The following CLDN10 variants were observed in gnomAD, a reference collection of about 807,000 sequenced individuals.
CLDN10 encodes the protein claudin 10.
A neutral mutation model predicts 22.9 loss-of-function variants in CLDN10; 15 were observed. The observed-to-expected ratio is 0.65, with a 90% CI of 0.44 to 1.01. The LOEUF (loss-of-function observed/expected upper bound fraction) is 1.01, where lower values mean the gene tolerates loss of function less well. CLDN10 is among the 50% of genes least tolerant of loss of function. The probability of loss-of-function intolerance (pLI) is 0.00; values close to 1 mark genes in which losing one functional copy is unlikely to be tolerated. For synonymous variants in CLDN10, 114 were observed against 111.4 expected, an observed-to-expected ratio of 1.02 and a Z score of -0.15; for missense variants, 247 against 287.8, an observed-to-expected ratio of 0.86 and a Z score of 1.03.
At chr13:95,525,461 TGTAA>T (rs2043270840) in intron 1 of CLDN10, among the ~76,000 whole-genome samples, 2 of 152,130 alleles carry the variant, frequency 1.3e-5, no homozygotes, top group South Asian at 4.2e-4. Context: ...CCAAATGACA[TGTAA>T]GTGAGTAACA....
At chr13:95,564,599 G>A (rs1312130116) in intron 3 of CLDN10, among the ~76,000 whole-genome samples, 1 of 152,148 alleles carries the variant, frequency 6.6e-6, no homozygotes, top group East Asian at 1.9e-4. Context: ...CTTCAGATTT[G>A]TATGCCGTGT....
chr13:95,511,379 A>G (rs1363896717), intron 1 of CLDN10, among the ~76,000 whole-genome samples: 1 of 151,948 alleles, frequency 6.6e-6, no homozygotes, highest in African/African-American at 2.4e-5. Flanking sequence ...GTAAACAAAC[A>G]TAGGTTTGAA....
intron 1 of CLDN10, among the ~76,000 whole-genome samples, chr13:95,447,852 G>A (rs892001768): frequency 1.1e-4 from 17 of 152,034 alleles, no homozygotes; most frequent in African/African-American, 3.1e-4. Flanking sequence ...TGGGGTGTCC[G>A]TGACAGCAGG....
chr13:95,510,448 T>C (rs2389355), intron 1 of CLDN10, among the ~76,000 whole-genome samples: 59,377 of 152,054 alleles, frequency 0.39, 11,840 homozygotes, highest in African/African-American at 0.46. Flanking sequence ...AGGACTCTAG[T>C]TCTTTGTGCT....
At chr13:95,521,323 A>G (rs968789658) in intron 1 of CLDN10, among the ~76,000 whole-genome samples, 1 of 152,202 alleles carries the variant, frequency 6.6e-6, no homozygotes, top group Admixed American at 6.5e-5. Flanking sequence ...GGGGATGTGT[A>G]TCTACTTTCA....
intron 1 of CLDN10, among the ~76,000 whole-genome samples, chr13:95,527,513 T>A (rs967985137): frequency 6.6e-6 from 1 of 151,832 alleles, no homozygotes; most frequent in African/African-American, 2.4e-5. Flanking sequence ...GTGGATCACC[T>A]GAGGTCAGGA....
Position 95,578,649 on chromosome 13 carries a change from A to T in CLDN10, c.*635A>T, listed in dbSNP as rs959456319. 6.6e-6 allele frequency: 1 copy of T among 152,194 alleles called. No individual in the cohort carries two copies. Among genetic ancestry groups the T allele is most frequent in the African/African-American group, 2.4e-5 (1 of 41,440 alleles). 9.4% of individuals were successfully genotyped at this position (152,194 alleles called of 1,614,324 possible). A position where few individuals can be genotyped will look rare whatever the true frequency, so the allele number is the denominator to read the frequency against. On this transcript the variant is annotated 3_prime_UTR_variant, in exon 5 of 5. Coordinates refer to ENST00000299339, the MANE Select transcript of CLDN10 (RefSeq NM_006984.5). ...CCACATGCCCATGGCCACTCAGTAGATTGTTGAAAAAGCAAAGCCACACCA... is the reference window on the plus strand; with the variant it reads ...CCACATGCCCATGGCCACTCAGTAGTTTGTTGAAAAAGCAAAGCCACACCA...
chr13:95,513,680 C>T (rs2043130970), intron 1 of CLDN10, among the ~76,000 whole-genome samples: 1 of 152,124 alleles, frequency 6.6e-6, no homozygotes, highest in African/African-American at 2.4e-5. Context: ...GAGCTCTTAT[C>T]ATTCATTCAT....
chr13:95,437,679 G>A (rs1267734401), intron 1 of CLDN10, among the ~76,000 whole-genome samples: 1 of 152,156 alleles, frequency 6.6e-6, no homozygotes, highest in South Asian at 2.1e-4. Context: ...GATGGTTCGC[G>A]ATGAGGGCAA....
chr13:95,567,762 A>G (rs2043804372), intron 3 of CLDN10, among the ~76,000 whole-genome samples: 1 of 152,200 alleles, frequency 6.6e-6, no homozygotes, highest in African/African-American at 2.4e-5. Context: ...TGGGTTTGTC[A>G]TAAGTAGCTC....
intron 1 of CLDN10, among the ~76,000 whole-genome samples, chr13:95,434,909 A>G (rs916052794): frequency 5.9e-5 from 9 of 152,178 alleles, no homozygotes; most frequent in Non-Finnish European, 1.3e-4. Context: ...ATAAAACAAA[A>G]CGAAACAAAA....
chr13:95,493,843 AGG>A (rs2042901614), intron 1 of CLDN10, among the ~76,000 whole-genome samples: 1 of 152,158 alleles, frequency 6.6e-6, no homozygotes, highest in Non-Finnish European at 1.5e-5. Context: ...TACAGGTGTG[AGG>A]CACCATGCCC....
At chr13:95,503,920 G>C (rs1441787576) in intron 1 of CLDN10, among the ~76,000 whole-genome samples, 1 of 152,140 alleles carries the variant, frequency 6.6e-6, no homozygotes, top group Non-Finnish European at 1.5e-5. Context: ...TTGCACAAAT[G>C]TGAATATACT....
chr13:95,519,429 A>G lies in CLDN10; in HGVS notation c.215-40703A>G, dbSNP rs147845621. Among the ~76,000 whole-genome samples, 247 of 152,362 alleles carry G rather than the reference A, an allele frequency of 1.6e-3. 1 individual carries two copies. Among genetic ancestry groups the G allele is most frequent in the Non-Finnish European group, 2.9e-3 (196 of 68,032 alleles). On this transcript the variant is annotated intron_variant, in intron 1 of 4. Transcript: ENST00000376873. Reference sequence around the variant, plus strand: ...ACAAATCTGAGGTCTGTTCATTTTAACAGAAAATTGGAAAGAATTGGTATG... The same window carrying G: ...ACAAATCTGAGGTCTGTTCATTTTAGCAGAAAATTGGAAAGAATTGGTATG...
At chr13:95,462,925 G>C (rs960162245) in intron 1 of CLDN10, among the ~76,000 whole-genome samples, 7 of 152,152 alleles carry the variant, frequency 4.6e-5, no homozygotes, top group Admixed American at 1.3e-4. Context: ...CGGGCTCAGG[G>C]ATACAAAAGA....
Position 95,552,894 on chromosome 13 carries a change from C to T in CLDN10, c.141C>T (p.Ala47=). The part of the protein sequence containing the change: ...GTVITTATYW[A]NLWKACVTDS... ...TCATCACAACCGCCACCTATTGGGC[C>T]AACCTGTGGAAGGCGTGCGTTACCG... is the stretch of plus-strand genomic sequence containing the variant. Residue 47 remains alanine (A), a synonymous_variant, in exon 1 of 5, where the codon GCC becomes GCT. Transcript: ENST00000299339. The T allele has an allele frequency of 6.2e-7, 1 of 1,614,162 alleles. No individual in the cohort carries two copies. The highest frequency in any genetic ancestry group is 8.5e-7 in the Non-Finnish European group (1 of 1,180,016).
chr13:95,459,184 C>T (rs1258193831), intron 1 of CLDN10, among the ~76,000 whole-genome samples: 1 of 152,208 alleles, frequency 6.6e-6, no homozygotes, highest in African/African-American at 2.4e-5. Context: ...GCTGCTTTCA[C>T]AGGCTGGCGT....
intron 1 of CLDN10, among the ~76,000 whole-genome samples, chr13:95,455,454 C>A (rs1426658471): frequency 6.6e-6 from 1 of 152,130 alleles, no homozygotes; most frequent in African/African-American, 2.4e-5. Flanking sequence ...TGTCTAATGG[C>A]AAATTTTCTA....
chr13:95,553,169 G>C (rs2043589217), intron 1 of CLDN10, among the ~76,000 whole-genome samples, 196 bp downstream of exon 1: 1 of 152,194 alleles, frequency 6.6e-6, no homozygotes, highest in Admixed American at 6.5e-5. Context: ...TGTCTCGCGG[G>C]GCGCCTGTTC....
Sources: gnomAD v4.1 joint callset for allele counts (sites outside exome capture counted in the v4.1 genomes callset) on GRCh38, gnomAD v4.1.1 for gene constraint, MANE v1.5 for transcripts, NCBI Gene and HGNC (gene_info 2026-07-23, HGNC 2026-07-21) for gene names.